MAPKAP1: variants seen among roughly 807,000 people sequenced by gnomAD.
MAPKAP1 encodes the protein target of rapamycin complex 2 subunit MAPKAP1.
In MAPKAP1, 20 loss-of-function variants were observed where a neutral mutation model predicts 65.7. That is an observed-to-expected ratio of 0.30 (90% confidence interval 0.21 to 0.44). The LOEUF is 0.44. MAPKAP1 is among the 20% of genes least tolerant of loss of function. MAPKAP1 has a pLI of 1.00. For missense variants in MAPKAP1, 423 were observed against 648.0 expected, an observed-to-expected ratio of 0.65 and a Z score of 3.77; for synonymous variants, 222 against 244.3, an observed-to-expected ratio of 0.91 and a Z score of 0.85.
At position 125,488,370 on chromosome 9, in the gene MAPKAP1, C is replaced by CTT. The variant is rs557061255; in HGVS notation, c.1067-3788_1067-3787insAA. Among the ~76,000 whole-genome samples, 746 of 105,158 alleles carry CTT rather than the reference C, an allele frequency of 7.1e-3. 5 individuals carry two copies. Among genetic ancestry groups the CTT allele is most frequent in the African/African-American group, 0.019 (706 of 36,712 alleles). 69.0% of individuals were successfully genotyped at this position (105,158 alleles called of 152,430 possible). A position where few individuals can be genotyped will look rare whatever the true frequency, so the allele number is the denominator to read the frequency against. On this transcript the variant is annotated intron_variant, in intron 8 of 11. Transcript: ENST00000265960. ...GAGTTCCAGTGTCATTTCTTTCTTT[C>CTT]TCTCTCTCTTTTGAGACAGAGTTTT...
At chr9:125,504,334 C>T (rs73667006) in intron 8 of MAPKAP1, among the ~76,000 whole-genome samples, 4,078 of 152,282 alleles carry the variant, frequency 0.027, 186 homozygotes, top group African/African-American at 0.093. Context: ...TGTGTATTCA[C>T]AAAAGGTACT....
intron 10 of MAPKAP1, among the ~76,000 whole-genome samples, chr9:125,459,434 A>C (rs1853369239): frequency 1.3e-5 from 2 of 151,802 alleles, no homozygotes; most frequent in Non-Finnish European, 2.9e-5. Flanking sequence ...AGAGGCTGCA[A>C]TCTCGGCACT....
intron 7 of MAPKAP1, among the ~76,000 whole-genome samples, chr9:125,526,309 GAAGT>G (rs1358897634): frequency 1.3e-5 from 2 of 152,196 alleles, no homozygotes; most frequent in Admixed American, 1.3e-4. Context: ...AATTTAGAAA[GAAGT>G]AAGAATGTCA....
intron 7 of MAPKAP1, among the ~76,000 whole-genome samples, chr9:125,510,013 G>T (rs1345958605): frequency 6.6e-6 from 1 of 152,138 alleles, no homozygotes; most frequent in African/African-American, 2.4e-5. Flanking sequence ...GTCCTATGAA[G>T]CCTAGCATGT....
intron 10 of MAPKAP1, among the ~76,000 whole-genome samples, chr9:125,462,626 T>C (rs1234819111): frequency 6.6e-6 from 1 of 152,238 alleles, no homozygotes; most frequent in Non-Finnish European, 1.5e-5. Flanking sequence ...GTTTGTTTAA[T>C]GACTGACTGC....
chr9:125,460,291 G>C (rs1367825026), intron 10 of MAPKAP1, among the ~76,000 whole-genome samples: 1 of 151,622 alleles, frequency 6.6e-6, no homozygotes, highest in East Asian at 1.9e-4. Context: ...ATAGCAAAAA[G>C]GAGGCTTCTC....
At chr9:125,699,406 T>C (rs916962460) in intron 1 of MAPKAP1, among the ~76,000 whole-genome samples, 2 of 152,026 alleles carry the variant, frequency 1.3e-5, no homozygotes, top group African/African-American at 2.4e-5. Flanking sequence ...GACAAGGTCT[T>C]GCTGTGTTGC....
chr9:125,602,323 C>T (rs146258794), intron 4 of MAPKAP1, among the ~76,000 whole-genome samples: 10 of 152,242 alleles, frequency 6.6e-5, no homozygotes, highest in Admixed American at 3.3e-4. Context: ...TCTAGAACAG[C>T]GCTTCCTGTT....
intron 1 of MAPKAP1, among the ~76,000 whole-genome samples, chr9:125,677,008 T>C (rs1235814562): frequency 6.6e-6 from 1 of 152,208 alleles, no homozygotes; most frequent in Non-Finnish European, 1.5e-5. Context: ...TCTGTAGGAA[T>C]ACTAAACATA....
At chr9:125,458,128 T>G (rs1301817446) in intron 10 of MAPKAP1, among the ~76,000 whole-genome samples, 3 of 152,114 alleles carry the variant, frequency 2.0e-5, no homozygotes, top group Admixed American at 6.5e-5. Flanking sequence ...CCAAAAGTGG[T>G]TTTTATATTT....
intron 3 of MAPKAP1, among the ~76,000 whole-genome samples, chr9:125,660,854 C>T (rs1834165030): frequency 6.6e-6 from 1 of 152,156 alleles, no homozygotes; most frequent in Non-Finnish European, 1.5e-5. Context: ...CCTGACACAG[C>T]CGCCAATATG....
intron 7 of MAPKAP1, among the ~76,000 whole-genome samples, chr9:125,518,466 C>T (rs1274631755): frequency 2.6e-5 from 4 of 151,766 alleles, no homozygotes; most frequent in South Asian, 2.1e-4. Context: ...GACTTGAGAG[C>T]GGGAGCTCGA....
In MAPKAP1 at chr9:125,657,675, G is replaced by A. The variant is rs765658394; in HGVS notation, c.474C>T (p.Asn158=). The stretch of plus-strand genomic sequence containing the variant: ...CCTTGCCATCAAATTTGGAATACTC[G>A]TTAAAAGGGTTATTCAGCTGCAGAG... ...QCPLQLNNPF[N]EYSKFDGKGH... The change falls in exon 4 of 12, where the codon AAC becomes AAT. Residue 158 remains asparagine (N), a synonymous_variant. Coordinates refer to ENST00000265960, the MANE Select transcript of MAPKAP1 (RefSeq NM_001006617.3). The A allele has an allele frequency of 1.4e-5, 22 of 1,609,530 alleles. No homozygotes were observed. The highest frequency in any genetic ancestry group is 8.9e-5 in the East Asian group (4 of 44,830).
At chr9:125,698,300 T>TAAA (rs1191136213) in intron 1 of MAPKAP1, among the ~76,000 whole-genome samples, 2 of 16,152 alleles carry the variant, frequency 1.2e-4, no homozygotes, top group Admixed American at 6.5e-4. Flanking sequence ...TATATATATA[T>TAAA]ATATATATAT....
chr9:125,640,397 C>A (rs1210659108), intron 4 of MAPKAP1, among the ~76,000 whole-genome samples: 1 of 152,024 alleles, frequency 6.6e-6, no homozygotes, highest in Non-Finnish European at 1.5e-5. Flanking sequence ...GCCACCATGC[C>A]CGGCCACATT....
At chr9:125,478,685 G>A (rs1456104941) in intron 9 of MAPKAP1, among the ~76,000 whole-genome samples, 2 of 152,102 alleles carry the variant, frequency 1.3e-5, no homozygotes, top group African/African-American at 4.8e-5. Context: ...TGACAGATTG[G>A]GTCTGGCGTA....
chr9:125,514,883 G>A (rs1213245333), intron 7 of MAPKAP1, among the ~76,000 whole-genome samples: 2 of 152,078 alleles, frequency 1.3e-5, no homozygotes, highest in South Asian at 2.1e-4. Flanking sequence ...AAGCCACTAC[G>A]CTGATGCCGT....
At position 125,554,794 on chromosome 9, in the gene MAPKAP1, CAAAAAAAAAAA is replaced by C. The variant is rs56911891; in HGVS notation, c.848+4828_848+4838del. On this transcript the variant is annotated intron_variant, in intron 6 of 11. Coordinates refer to ENST00000265960, the MANE Select transcript of MAPKAP1 (RefSeq NM_001006617.3). The stretch of plus-strand genomic sequence containing the variant: ...CTAGGCCACACAGCAAGACACTTAT[CAAAAAAAAAAA>C]AAAAAAAAAAAAGCATTTTCTAGTA... Among the ~76,000 whole-genome samples, 8 of 65,642 alleles carry C rather than the reference CAAAAAAAAAAA, an allele frequency of 1.2e-4. No individual in the cohort carries two copies. The East Asian group carries it at 3.3e-3, about 27-fold the overall frequency. 43.1% of individuals were successfully genotyped at this position (65,642 alleles called of 152,430 possible). A position where few individuals can be genotyped will look rare whatever the true frequency, so the allele number is the denominator to read the frequency against.
At chr9:125,567,459 G>A (rs1338695894) in intron 5 of MAPKAP1, 2 of 152,178 alleles carry the variant, frequency 1.3e-5, no homozygotes, top group African/African-American at 4.8e-5. Flanking sequence ...GTTTACAAAT[G>A]CCATGGCAAT....
Sources: allele counts gnomAD v4.1 joint callset (sites outside exome capture counted in the v4.1 genomes callset), GRCh38; gene constraint gnomAD v4.1.1; transcripts MANE v1.5; gene names NCBI Gene and HGNC (gene_info 2026-07-23, HGNC 2026-07-21).